Variants in BBS9 observed in about 807,000 individuals in gnomAD.
BBS9 encodes Bardet-Biedl syndrome 9.
Under a neutral mutation model 117.7 loss-of-function variants are expected in BBS9, and 89 were observed. That is an observed-to-expected ratio of 0.76 (90% CI 0.64 to 0.90). BBS9 has a LOEUF of 0.90. Among genes scored for constraint, BBS9 ranks in the 40% least tolerant of loss-of-function variants. The pLI, the probability that BBS9 is intolerant of heterozygous loss-of-function variation, is 0.00. For missense variants in BBS9, 982 were observed against 1,042.2 expected, an observed-to-expected ratio of 0.94 and a Z score of 0.80; for synonymous variants, 379 against 370.9, an observed-to-expected ratio of 1.02 and a Z score of -0.25.
chr7:33,349,303 GTT>G (rs749836043), intron 13 of BBS9, 133 bp downstream of exon 13: 6 of 725,584 alleles, frequency 8.3e-6, no homozygotes, highest in Non-Finnish European at 1.5e-5. Context: ...TGATTGTGTT[GTT>G]TTGCTTATAT....
intron 5 of BBS9, among the ~76,000 whole-genome samples, chr7:33,248,608 A>ATCTGT (rs1377895295): frequency 6.6e-6 from 1 of 152,192 alleles, no homozygotes; most frequent in Non-Finnish European, 1.5e-5. Flanking sequence ...TTAAGGCAGT[A>ATCTGT]TCTGTTGGAA....
At chr7:33,166,910 T>C (rs1053046582) in intron 4 of BBS9, among the ~76,000 whole-genome samples, 2 of 152,300 alleles carry the variant, frequency 1.3e-5, no homozygotes, top group Middle Eastern at 3.4e-3. Context: ...CCAGTCCCAA[T>C]GAGATGAACC....
downstream of BBS9, among the ~76,000 whole-genome samples, chr7:33,611,038 C>T (rs1467835022): frequency 1.3e-5 from 2 of 152,106 alleles, no homozygotes; most frequent in Non-Finnish European, 2.9e-5. Flanking sequence ...AAAAAGTTCA[C>T]AGCAAGCTGT....
chr7:33,223,637 GTTC>G (rs1790690270), intron 5 of BBS9, among the ~76,000 whole-genome samples: 2 of 151,760 alleles, frequency 1.3e-5, no homozygotes, highest in South Asian at 4.2e-4. Context: ...TACTCTGTAT[GTTC>G]TTCTAAGCAC....
At chr7:33,332,947 A>G (rs140466380) in intron 9 of BBS9, among the ~76,000 whole-genome samples, 3 of 152,116 alleles carry the variant, frequency 2.0e-5, no homozygotes, top group African/African-American at 7.2e-5. Flanking sequence ...CATCACCACT[A>G]TCCATCTCCA....
chr7:33,516,041 A>G (rs1847713400), intron 20 of BBS9, among the ~76,000 whole-genome samples: 1 of 152,236 alleles, frequency 6.6e-6, no homozygotes, highest in South Asian at 2.1e-4. Context: ...AAGTCAGTGG[A>G]CGTGACATAA....
intron 19 of BBS9, among the ~76,000 whole-genome samples, chr7:33,482,086 G>T (rs1438613489): frequency 6.6e-6 from 1 of 152,032 alleles, no homozygotes; most frequent in Non-Finnish European, 1.5e-5. Flanking sequence ...GTACTAAAGT[G>T]TGATTTTTTT....
intron 19 of BBS9, among the ~76,000 whole-genome samples, chr7:33,404,161 C>T (rs1217116243): frequency 1.3e-4 from 19 of 151,934 alleles, no homozygotes; most frequent in South Asian, 4.2e-4. Flanking sequence ...TGTAGATATG[C>T]GGCGTTATTT....
At chr7:33,542,634 T>C (rs1852513330) in intron 21 of BBS9, among the ~76,000 whole-genome samples, 1 of 152,124 alleles carries the variant, frequency 6.6e-6, no homozygotes, top group Non-Finnish European at 1.5e-5. Flanking sequence ...TCTAATCTCA[T>C]CCAGGTCACT....
chr7:33,164,574 C>A (rs1245780644), intron 4 of BBS9, among the ~76,000 whole-genome samples: 2 of 152,152 alleles, frequency 1.3e-5, no homozygotes, highest in East Asian at 3.8e-4. Flanking sequence ...GATCCCTTTA[C>A]CATTATGTAA....
At chr7:33,434,295 TC>T in intron 19 of BBS9, among the ~76,000 whole-genome samples, 1 of 150,758 alleles carries the variant, frequency 6.6e-6, no homozygotes, top group Admixed American at 6.6e-5. Flanking sequence ...AAAAAAAAAC[TC>T]CGTTTTAGCT....
intron 5 of BBS9, among the ~76,000 whole-genome samples, chr7:33,253,335 G>C (rs1389843813): frequency 1.3e-5 from 2 of 152,152 alleles, no homozygotes; most frequent in African/African-American, 4.8e-5. Flanking sequence ...ATGTTTGGCC[G>C]GGCGCAGTGG....
chr7:33,335,754 A>C (rs1815220605), intron 9 of BBS9, among the ~76,000 whole-genome samples: 1 of 152,160 alleles, frequency 6.6e-6, no homozygotes, highest in Admixed American at 6.5e-5. Context: ...AGAAAGAGCT[A>C]GTAAATGGGA....
At chr7:33,564,356 G>T (rs909107943) in intron 21 of BBS9, among the ~76,000 whole-genome samples, 3 of 152,156 alleles carry the variant, frequency 2.0e-5, no homozygotes, top group Non-Finnish European at 4.4e-5. Context: ...TATTTCAGGG[G>T]CATTATATAT....
intron 5 of BBS9, among the ~76,000 whole-genome samples, chr7:33,238,903 A>C (rs1425965504): frequency 1.3e-5 from 2 of 152,162 alleles, no homozygotes; most frequent in African/African-American, 2.4e-5. Context: ...CTATTAGTGG[A>C]ATTGTTTCTA....
chr7:33,569,589 T>TA (rs140184306), intron 21 of BBS9, among the ~76,000 whole-genome samples: 4,850 of 140,338 alleles, frequency 0.035, 104 homozygotes, highest in South Asian at 0.11. Flanking sequence ...CATCTCTACT[T>TA]AAAAAAAAAA....
downstream of BBS9, among the ~76,000 whole-genome samples, chr7:33,606,426 A>G (rs75180048): frequency 5.3e-3 from 814 of 152,300 alleles, 4 homozygotes; most frequent in Non-Finnish European, 7.2e-3. Flanking sequence ...ATTAGCTGGC[A>G]TTATTTTTAT....
intron 21 of BBS9, among the ~76,000 whole-genome samples, chr7:33,594,927 A>C (rs944595626): frequency 1.6e-4 from 24 of 152,144 alleles, no homozygotes; most frequent in African/African-American, 5.5e-4. Context: ...CATCTTGGAC[A>C]AACCTGAAAA....
chr7:33,150,228 G>A (rs1793092236), intron 2 of BBS9, among the ~76,000 whole-genome samples: 1 of 152,172 alleles, frequency 6.6e-6, no homozygotes, highest in Admixed American at 6.5e-5. Context: ...GAGTACCAAA[G>A]ACCCTGAGTT....
Sources: allele counts gnomAD v4.1 joint callset (sites outside exome capture counted in the v4.1 genomes callset), GRCh38; gene constraint gnomAD v4.1.1; transcripts MANE v1.5; gene names NCBI Gene and HGNC (gene_info 2026-07-23, HGNC 2026-07-21).